The following CPNE5 variants were observed in gnomAD, a reference collection of about 807,000 sequenced individuals.
CPNE5 encodes the protein copine 5, also known as copine-5.
A neutral mutation model predicts 81.1 loss-of-function variants in CPNE5; 42 were observed. That is an observed-to-expected ratio of 0.52 (90% CI 0.40 to 0.67). The LOEUF is 0.67. Ranked by LOEUF, CPNE5 falls within the 30% of genes least tolerant of loss-of-function variation. The pLI is 0.00. For synonymous variants in CPNE5, 313 were observed against 321.5 expected, an observed-to-expected ratio of 0.97 and a Z score of 0.28; for missense variants, 612 against 815.5, an observed-to-expected ratio of 0.75 and a Z score of 3.04.
intron 13 of CPNE5, 124 bp from the exon 14 acceptor site, chr6:36,753,219 A>G: frequency 2.8e-6 from 2 of 706,920 alleles, no homozygotes; most frequent in Non-Finnish European, 5.2e-6. Context: ...GACTGCATGC[A>G]CTGCCCACAC....
At chr6:36,828,308 C>CAAAAAAAAAAAAAAA (rs11444450) in intron 1 of CPNE5, among the ~76,000 whole-genome samples, 8 of 78,648 alleles carry the variant, frequency 1.0e-4, no homozygotes, top group African/African-American at 1.9e-4. Flanking sequence ...AACAACAAAC[C>CAAAAAAAAAAAAAAA]AAAAAAAAAA....
chr6:36,816,671 A>G (rs944951956), intron 3 of CPNE5, among the ~76,000 whole-genome samples: 1 of 152,234 alleles, frequency 6.6e-6, no homozygotes, highest in Admixed American at 6.5e-5. Flanking sequence ...AGGCGGTTCC[A>G]TAGAGACAAT....
At chr6:36,769,272 A>T (rs2150433595) in intron 10 of CPNE5, among the ~76,000 whole-genome samples, 1 of 152,350 alleles carries the variant, frequency 6.6e-6, no homozygotes, top group African/African-American at 2.4e-5. Context: ...AAAGGAGGCC[A>T]AGAGTATGTG....
At chr6:36,825,646 A>G (rs1772434766) in intron 1 of CPNE5, among the ~76,000 whole-genome samples, 1 of 152,216 alleles carries the variant, frequency 6.6e-6, no homozygotes, top group South Asian at 2.1e-4. Context: ...AGTAGGCAGC[A>G]GGGGCTGCAC....
intron 6 of CPNE5, 44 bp downstream of exon 6, chr6:36,798,121 G>A (rs190300463): frequency 4.7e-6 from 7 of 1,497,018 alleles, no homozygotes; most frequent in African/African-American, 4.1e-5. Flanking sequence ...AGCAGAATGG[G>A]CGGGAAGTTG....
At chr6:36,760,349 A>G (rs757551019) in intron 12 of CPNE5, among the ~76,000 whole-genome samples, 1 of 152,122 alleles carries the variant, frequency 6.6e-6, no homozygotes, top group Non-Finnish European at 1.5e-5. Flanking sequence ...ATCTTTCAGT[A>G]TCTCTTCCCA....
rs71540165 is a variant in CPNE5 at position 36,749,661 on chromosome 6, T to TAA, written c.972-1396_972-1395dup. Reference sequence around the variant, plus strand: ...GAGCAACATAGTGAGACCTCAAAAATAAAAAAAAAAAACCCACTAAAATAA... The same window carrying TAA: ...GAGCAACATAGTGAGACCTCAAAAATAAAAAAAAAAAAAACCCACTAAAATAA... On this transcript the variant is annotated intron_variant, in intron 14 of 20. Transcript: ENST00000244751. 6.1e-3 allele frequency among the ~76,000 whole-genome samples: 845 copies of TAA among 139,452 alleles called. 6 individuals are homozygous for TAA. The highest frequency in any genetic ancestry group is 0.037 in the East Asian group (180 of 4,864). 91.5% of individuals were successfully genotyped at this position (139,452 alleles called of 152,430 possible).
At chr6:36,808,439 A>T (rs1221176685) in intron 3 of CPNE5, among the ~76,000 whole-genome samples, 1 of 151,532 alleles carries the variant, frequency 6.6e-6, no homozygotes, top group Non-Finnish European at 1.5e-5. Flanking sequence ...CCTCCTCATC[A>T]CCCACCAGCT....
chr6:36,839,382 C>T lies in CPNE5; in HGVS notation c.-5G>A. Reference sequence around the variant, plus strand: ...CATGTCCTCAGGCTGCTCCATCGCCCACCGCACCCCCCACCCCAAATTAGT... The same window carrying T: ...CATGTCCTCAGGCTGCTCCATCGCCTACCGCACCCCCCACCCCAAATTAGT... On this transcript the variant is annotated 5_prime_UTR_variant, in exon 1 of 21. Coordinates refer to ENST00000244751, the MANE Select transcript of CPNE5 (RefSeq NM_020939.2). This position sits in a 1 kb window ranked among gnomAD's most constrained non-coding sequence, Gnocchi z 7.3. 6.5e-7 allele frequency: 1 copy of T among 1,542,290 alleles called. No individual in the cohort carries two copies. Among genetic ancestry groups the T allele is most frequent in the Non-Finnish European group, 8.8e-7 (1 of 1,141,392 alleles).
chr6:36,751,992 A>G (rs978491340), intron 14 of CPNE5, among the ~76,000 whole-genome samples: 1 of 151,850 alleles, frequency 6.6e-6, no homozygotes, highest in Non-Finnish European at 1.5e-5. Context: ...GTAAGAGCAG[A>G]GGAGCTCCTG....
chr6:36,797,135 G>C (rs1769656642), intron 6 of CPNE5, among the ~76,000 whole-genome samples: 1 of 152,200 alleles, frequency 6.6e-6, no homozygotes. Context: ...TCGAACTCCT[G>C]AGCTCAGGCG....
chr6:36,773,851 T>C (rs187635969), intron 10 of CPNE5, among the ~76,000 whole-genome samples: 2 of 152,198 alleles, frequency 1.3e-5, no homozygotes, highest in African/African-American at 4.8e-5. Context: ...AGTAGGCATA[T>C]GTTAAAACAA....
intron 17 of CPNE5, 36 bp from the exon 18 acceptor site, chr6:36,745,186 G>A (rs773304977): frequency 2.5e-5 from 38 of 1,538,454 alleles, no homozygotes; most frequent in Admixed American, 3.4e-5. Flanking sequence ...GTCTGTCTGC[G>A]GGACCTCTGG....
chr6:36,798,751 C>T (rs750650304), intron 4 of CPNE5, among the ~76,000 whole-genome samples: 17 of 152,056 alleles, frequency 1.1e-4, no homozygotes, highest in Non-Finnish European at 1.9e-4. Context: ...AAGATTTATG[C>T]GCTTCACTGT....
intron 14 of CPNE5, among the ~76,000 whole-genome samples, chr6:36,748,782 A>C (rs957474137): frequency 1.3e-5 from 2 of 152,184 alleles, no homozygotes; most frequent in Non-Finnish European, 2.9e-5. Context: ...AGTTAGTTAC[A>C]GGAAATACAA....
rs1443892851 is a variant in CPNE5, at chr6:36,762,802, C to T, written c.855+115G>A. On this transcript the variant is annotated intron_variant, in intron 12 of 20. Transcript: ENST00000244751. ...CCTTAACGGTAGAATGGGACAATAACCCCTTTCTCACAGGAAAACACACCA... is the reference window on the plus strand; with the variant it reads ...CCTTAACGGTAGAATGGGACAATAATCCCTTTCTCACAGGAAAACACACCA... 4 of 819,480 alleles carry T rather than the reference C, an allele frequency of 4.9e-6. No individual in the cohort carries two copies. In the African/African-American group the frequency reaches 6.7e-5, roughly 14 times the overall value. 50.8% of individuals were successfully genotyped at this position (819,480 alleles called of 1,614,324 possible).
In CPNE5 at chr6:36,823,117, G is replaced by A. The variant is rs761686773; in HGVS notation, c.96-19C>T. ...GAGGTTCCTGAAAGAGGGGGAGAGA[G>A]GAGGGGTTAGCACGGCCAGCTGAGA... On this transcript the variant is annotated intron_variant, in intron 1 of 20. Transcript: ENST00000244751. 2 of 1,552,866 alleles carry A rather than the reference G, an allele frequency of 1.3e-6. No homozygotes were observed. The highest frequency in any genetic ancestry group is 1.8e-5 in the Admixed American group (1 of 54,580).
intron 1 of CPNE5, among the ~76,000 whole-genome samples, chr6:36,824,375 G>A (rs1039205987): frequency 5.9e-5 from 9 of 152,142 alleles, no homozygotes; most frequent in Non-Finnish European, 1.3e-4. Flanking sequence ...CACATCCCAC[G>A]CTGACCAGGT....
chr6:36,763,806 T>C (rs1213945338), intron 11 of CPNE5, among the ~76,000 whole-genome samples: 1 of 152,202 alleles, frequency 6.6e-6, no homozygotes, highest in African/African-American at 2.4e-5. Flanking sequence ...GTGATGGGAT[T>C]AAAGGTGTTC....
Sources: gnomAD v4.1 joint callset for allele counts (sites outside exome capture counted in the v4.1 genomes callset) on GRCh38, gnomAD v4.1.1 for gene constraint, Gnocchi (gnomAD v3.1) non-coding constraint, MANE v1.5 for transcripts, NCBI Gene and HGNC (gene_info 2026-07-23, HGNC 2026-07-21) for gene names.